DDX10: variants seen among roughly 807,000 people sequenced by gnomAD.
DDX10 encodes DEAD-box helicase 10.
A neutral mutation model predicts 104.3 loss-of-function variants in DDX10; 74 were observed. The observed-to-expected ratio is 0.71, with a 90% confidence interval of 0.59 to 0.86. The LOEUF (loss-of-function observed/expected upper bound fraction) is 0.86, where lower values mean the gene tolerates loss of function less well. Ranked by LOEUF, DDX10 falls within the 40% of genes least tolerant of loss-of-function variation. The pLI is 0.00. For missense variants in DDX10, 952 were observed against 1,040.0 expected (o/e 0.92, Z 1.16); for synonymous variants, 351 against 353.4 (o/e 0.99, Z 0.08).
intron 13 of DDX10, among the ~76,000 whole-genome samples, chr11:108,799,590 T>A (rs1222772409): frequency 6.6e-6 from 1 of 152,244 alleles, no homozygotes; most frequent in Non-Finnish European, 1.5e-5. Flanking sequence ...TTCATGACCT[T>A]CAATGGTTGC....
intron 10 of DDX10, among the ~76,000 whole-genome samples, chr11:108,708,287 A>T (rs2094279346): frequency 1.5e-5 from 2 of 137,686 alleles, no homozygotes; most frequent in Non-Finnish European, 3.1e-5. Context: ...ATCTGATGAG[A>T]TCATGTGATT....
Position 108,875,714 on chromosome 11 carries a change from G to A in DDX10, c.2304+23505G>A, listed in dbSNP as rs907933205. Among the ~76,000 whole-genome samples the A allele has an allele frequency of 2.6e-5, 4 of 152,322 alleles. No individual in the cohort carries two copies. The East Asian group carries it at 7.7e-4, about 29-fold the overall frequency. On this transcript the variant is annotated intron_variant, in intron 16 of 17. Transcript: ENST00000322536. ...ATCTAATATAATAACTAAGGTCTGCGTTGGCTTTCCAGTTCATGAAGCACT... is the reference window on the plus strand; with the variant it reads ...ATCTAATATAATAACTAAGGTCTGCATTGGCTTTCCAGTTCATGAAGCACT...
intron 6 of DDX10, among the ~76,000 whole-genome samples, chr11:108,683,415 A>C (rs141012478): frequency 6.6e-6 from 1 of 152,302 alleles, no homozygotes; most frequent in East Asian, 1.9e-4. Context: ...CCTGTCTTGC[A>C]ATCAGCAAAT....
intron 13 of DDX10, among the ~76,000 whole-genome samples, chr11:108,763,115 A>G (rs2615752): frequency 0.13 from 19,440 of 152,212 alleles, 1,639 homozygotes; most frequent in East Asian, 0.26. Context: ...ACAGAGGGGA[A>G]GCTGGGTGTC....
chr11:108,785,792 G>C (rs971413947), intron 13 of DDX10, among the ~76,000 whole-genome samples: 2 of 151,992 alleles, frequency 1.3e-5, no homozygotes, highest in South Asian at 4.2e-4. Flanking sequence ...ACTTCCGATT[G>C]TGCTTATTTG....
At chr11:108,673,388 T>C in intron 1 of DDX10, 79 bp from the exon 2 acceptor site, 2 of 889,024 alleles carry the variant, frequency 2.2e-6, no homozygotes, top group Non-Finnish European at 3.6e-6. Flanking sequence ...AAGGATGAGC[T>C]GGGCAATACA....
intron 17 of DDX10, among the ~76,000 whole-genome samples, chr11:108,923,321 C>CT (rs1319031337): frequency 6.6e-6 from 1 of 152,126 alleles, no homozygotes; most frequent in East Asian, 1.9e-4. Flanking sequence ...CTGTAATTGC[C>CT]TTTGGGCTAA....
chr11:108,753,572 T>C (rs1159683559), intron 13 of DDX10, among the ~76,000 whole-genome samples: 2 of 152,038 alleles, frequency 1.3e-5, no homozygotes, highest in African/African-American at 4.8e-5. Flanking sequence ...TTATATATCA[T>C]GAATGGAAAA....
intron 16 of DDX10, among the ~76,000 whole-genome samples, chr11:108,893,420 A>G (rs1220335302): frequency 6.6e-6 from 1 of 152,094 alleles, no homozygotes; most frequent in Non-Finnish European, 1.5e-5. Context: ...GTAAAATGTG[A>G]AATTCTAACA....
At chr11:108,757,707 A>G (rs115736046) in intron 13 of DDX10, among the ~76,000 whole-genome samples, 2,364 of 151,916 alleles carry the variant, frequency 0.016, 44 homozygotes, top group Middle Eastern at 0.054. Context: ...TTTCCCTCTG[A>G]CCCTAATTTC....
intron 3 of DDX10, 126 bp downstream of exon 3, chr11:108,675,852 C>T (rs1201783986): frequency 8.1e-7 from 1 of 1,229,824 alleles, no homozygotes; most frequent in Admixed American, 2.1e-5. Context: ...AGAATGCGAG[C>T]TTCATCAAAC....
intron 6 of DDX10, among the ~76,000 whole-genome samples, chr11:108,684,135 C>G (rs564713546): frequency 5.6e-4 from 54 of 95,716 alleles, no homozygotes; most frequent in African/African-American, 2.2e-3. Context: ...TTATCTATTT[C>G]CAGTTCTTTT....
At chr11:108,784,407 G>A (rs1861759075) in intron 13 of DDX10, among the ~76,000 whole-genome samples, 2 of 151,910 alleles carry the variant, frequency 1.3e-5, no homozygotes, top group South Asian at 2.1e-4. Flanking sequence ...CTGAACACCC[G>A]CTTGTTTTTG....
At chr11:108,809,123 A>C (rs2134566102) in intron 13 of DDX10, among the ~76,000 whole-genome samples, 1 of 152,260 alleles carries the variant, frequency 6.6e-6, no homozygotes, top group Non-Finnish European at 1.5e-5. Flanking sequence ...AAAACAATGG[A>C]GAATACAAAC....
intron 16 of DDX10, among the ~76,000 whole-genome samples, chr11:108,899,731 G>T (rs1249237457): frequency 6.6e-6 from 1 of 152,120 alleles, no homozygotes; most frequent in Non-Finnish European, 1.5e-5. Flanking sequence ...CAGATGGGAG[G>T]TGTTTGGGTC....
intron 14 of DDX10, among the ~76,000 whole-genome samples, chr11:108,840,529 T>C (rs1418130860): frequency 6.6e-6 from 1 of 152,140 alleles, no homozygotes; most frequent in Non-Finnish European, 1.5e-5. Flanking sequence ...TATCCAGAGA[T>C]TAATTTATTT....
intron 9 of DDX10, among the ~76,000 whole-genome samples, chr11:108,701,675 CTTTTTTTTTTTTTT>C (rs55916940): frequency 1.3e-5 from 1 of 77,420 alleles, no homozygotes; most frequent in African/African-American, 5.1e-5. Context: ...TTCTTCTTCT[CTTTTTTTTTTTTTT>C]TTTTTTTTTT....
intron 16 of DDX10, among the ~76,000 whole-genome samples, chr11:108,865,134 G>A (rs1323808355): frequency 6.6e-6 from 1 of 152,194 alleles, no homozygotes; most frequent in Non-Finnish European, 1.5e-5. Flanking sequence ...GTTGGAGGAA[G>A]GAGAGAGTGC....
At chr11:108,923,309 T>TACTGTA (rs1231557243) in intron 17 of DDX10, among the ~76,000 whole-genome samples, 1 of 152,216 alleles carries the variant, frequency 6.6e-6, no homozygotes, top group Non-Finnish European at 1.5e-5. Context: ...AGACCTCAGA[T>TACTGTA]ACTGTAATTG....
Sources: allele counts gnomAD v4.1 joint callset (sites outside exome capture counted in the v4.1 genomes callset), GRCh38; gene constraint gnomAD v4.1.1; transcripts MANE v1.5; gene names NCBI Gene and HGNC (gene_info 2026-07-23, HGNC 2026-07-21).